Variants in ELMO1 observed in about 807,000 individuals in gnomAD.
ELMO1 encodes the protein engulfment and cell motility 1.
A neutral mutation model predicts 98.9 loss-of-function variants in ELMO1; 26 were observed. That is an observed-to-expected ratio of 0.26 (90% CI 0.19 to 0.36). The LOEUF (loss-of-function observed/expected upper bound fraction) is 0.36. Ranked by LOEUF, ELMO1 falls within the 10% of genes least tolerant of loss-of-function variation. ELMO1 has a pLI of 1.00. For synonymous variants in ELMO1, 346 were observed against 346.0 expected (o/e 1.00, Z 0.00); for missense variants, 627 against 935.2 (o/e 0.67, Z 4.30).
chr7:37,384,522 C>A (rs1802711240), intron 1 of ELMO1, among the ~76,000 whole-genome samples: 1 of 151,960 alleles, frequency 6.6e-6, no homozygotes, highest in Non-Finnish European at 1.5e-5. Flanking sequence ...AGATCAAGAC[C>A]ATCCTGGCTA....
intron 4 of ELMO1, among the ~76,000 whole-genome samples, chr7:37,293,946 A>G (rs1053634479): frequency 2.9e-4 from 44 of 151,990 alleles, no homozygotes; most frequent in Non-Finnish European, 4.3e-4. Flanking sequence ...GGTGTCATTG[A>G]GTAAATTTTA....
rs543282035 is a variant in ELMO1, at chr7:37,246,773, C to CAGATAGATAGATAGATAGATAGATAGAT, written c.414-2383_414-2382insATCTATCTATCTATCTATCTATCTATCT. 4.9e-4 allele frequency among the ~76,000 whole-genome samples: 75 copies of CAGATAGATAGATAGATAGATAGATAGAT among 151,756 alleles called. 2 individuals carry two copies. Among genetic ancestry groups the CAGATAGATAGATAGATAGATAGATAGAT allele is most frequent in the African/African-American group, 1.7e-3 (69 of 41,300 alleles). ...AAGATGTAGGTAACTGATGGAGAGA[C>CAGATAGATAGATAGATAGATAGATAGAT]AGATAGATAGATAGATAAACAGACA... On this transcript the variant is annotated intron_variant, in intron 6 of 21. Transcript: ENST00000310758.
intron 7 of ELMO1, among the ~76,000 whole-genome samples, chr7:37,237,705 T>C (rs1000870596): frequency 9.9e-5 from 15 of 152,246 alleles, no homozygotes; most frequent in African/African-American, 2.4e-5. Context: ...CCCTGCCCTT[T>C]GAGTTTTTCC....
chr7:37,343,812 T>A (rs1345613289), intron 1 of ELMO1, among the ~76,000 whole-genome samples: 2 of 152,088 alleles, frequency 1.3e-5, no homozygotes, highest in Non-Finnish European at 2.9e-5. Flanking sequence ...TTAACAATCA[T>A]GTGATACAAA....
chr7:37,121,567 T>C (rs1786041950), intron 14 of ELMO1, among the ~76,000 whole-genome samples: 1 of 151,718 alleles, frequency 6.6e-6, no homozygotes, highest in Non-Finnish European at 1.5e-5. Flanking sequence ...AGAAGAGAAG[T>C]TTAGAGAAAA....
chr7:37,379,817 G>A (rs1048592966), intron 1 of ELMO1, among the ~76,000 whole-genome samples: 18 of 152,076 alleles, frequency 1.2e-4, no homozygotes, highest in Non-Finnish European at 2.6e-4. Context: ...ACAGAGGACG[G>A]GCCTCACAAA....
chr7:36,953,868 T>C (rs1177110171), intron 16 of ELMO1, among the ~76,000 whole-genome samples: 2 of 149,978 alleles, frequency 1.3e-5, no homozygotes, highest in Non-Finnish European at 1.5e-5. Context: ...TGTGTGTGTG[T>C]GTGTGTGTGT....
At chr7:37,421,587 C>T (rs76512041) in intron 1 of ELMO1, among the ~76,000 whole-genome samples, 11,428 of 152,188 alleles carry the variant, frequency 0.075, 600 homozygotes, top group Non-Finnish European at 0.095. Flanking sequence ...TGGAGATTCT[C>T]GAATATAATC....
At chr7:36,997,048 G>A (rs1248788850) in intron 16 of ELMO1, among the ~76,000 whole-genome samples, 1 of 152,180 alleles carries the variant, frequency 6.6e-6, no homozygotes, top group Non-Finnish European at 1.5e-5. Flanking sequence ...CTAGGGGAGA[G>A]AGAACTTAGG....
intron 2 of ELMO1, among the ~76,000 whole-genome samples, chr7:37,326,398 T>C (rs1461553491): frequency 6.6e-6 from 1 of 151,744 alleles, no homozygotes; most frequent in Non-Finnish European, 1.5e-5. Flanking sequence ...TTACTAAAAA[T>C]ACAAAAATTA....
chr7:36,866,080 A>G (rs1803012557), intron 20 of ELMO1, among the ~76,000 whole-genome samples: 1 of 152,202 alleles, frequency 6.6e-6, no homozygotes. Context: ...TATCTGAATC[A>G]ATGGATCTTC....
intron 1 of ELMO1, among the ~76,000 whole-genome samples, chr7:37,366,116 A>G (rs1174491001): frequency 1.3e-5 from 2 of 152,194 alleles, no homozygotes; most frequent in African/African-American, 4.8e-5. Flanking sequence ...GGGCTAAAAG[A>G]TGAGAAAGAA....
intron 1 of ELMO1, among the ~76,000 whole-genome samples, chr7:37,395,193 CCGTCTCTACTAAA>C (rs2131434899): frequency 6.6e-6 from 1 of 152,030 alleles, no homozygotes; most frequent in African/African-American, 2.4e-5. Flanking sequence ...TGGAGAAACC[CCGTCTCTACTAAA>C]ATAATACAAA....
chr7:37,199,918 C>T (rs983241417), intron 13 of ELMO1, among the ~76,000 whole-genome samples: 1 of 152,214 alleles, frequency 6.6e-6, no homozygotes, highest in Non-Finnish European at 1.5e-5. Flanking sequence ...CTTGAGTTAT[C>T]TGAGAAGAGC....
intron 16 of ELMO1, among the ~76,000 whole-genome samples, chr7:36,923,731 A>AATTCCAATAAATTATGAGAT (rs1785321224): frequency 2.0e-5 from 3 of 152,224 alleles, no homozygotes; most frequent in Admixed American, 1.3e-4. Context: ...AAAGGAACAT[A>AATTCCAATAAATTATGAGAT]AATAATTCCA....
Position 37,259,294 on chromosome 7 carries a change from C to G in ELMO1, c.300G>C (p.Lys100Asn). ...ERIQSSSMDA[K>N]LEALKDLASL... ...TGGCCAAGTCCTTCAGGGCTTCCAG[C>G]TTGGCATCCATACTCGAGGACTGGA... Residue 100 changes from lysine (K) to asparagine (N), a missense_variant, in exon 6 of 22, where the codon AAG becomes AAC. Coordinates refer to ENST00000310758, the MANE Select transcript of ELMO1 (RefSeq NM_014800.11). 1 of 1,614,168 alleles carries G rather than the reference C, an allele frequency of 6.2e-7. No individual in the cohort carries two copies. The highest frequency in any genetic ancestry group is 8.5e-7 in the Non-Finnish European group (1 of 1,180,020).
intron 16 of ELMO1, among the ~76,000 whole-genome samples, chr7:36,928,472 T>G (rs1438760070): frequency 6.6e-6 from 1 of 152,228 alleles, no homozygotes; most frequent in Non-Finnish European, 1.5e-5. Flanking sequence ...ATTCTGTATT[T>G]GAAAAGTGAA....
At chr7:37,349,020 T>C (rs1801139066) in intron 1 of ELMO1, among the ~76,000 whole-genome samples, 1 of 152,224 alleles carries the variant, frequency 6.6e-6, no homozygotes, top group African/African-American at 2.4e-5. Context: ...AAGCTGTGTG[T>C]TGGGGAAACG....
intron 18 of ELMO1, among the ~76,000 whole-genome samples, chr7:36,883,546 T>C (rs1032671716): frequency 1.3e-5 from 2 of 152,112 alleles, no homozygotes; most frequent in East Asian, 3.9e-4. Flanking sequence ...TGGTACTGTA[T>C]AGTGATAAAG....
Sources: allele counts gnomAD v4.1 joint callset (sites outside exome capture counted in the v4.1 genomes callset), GRCh38; gene constraint gnomAD v4.1.1; transcripts MANE v1.5; gene names NCBI Gene and HGNC (gene_info 2026-07-23, HGNC 2026-07-21).